Variants in RAD51B observed in about 807,000 individuals in gnomAD.
The protein encoded by RAD51B is DNA repair protein RAD51 homolog 2.
Under a neutral mutation model 42.2 loss-of-function variants are expected in RAD51B, and 38 were observed. The ratio of observed to expected loss-of-function variants is 0.90; its 90% confidence interval spans 0.70 to 1.18. RAD51B has a LOEUF of 1.18. Among genes scored for constraint, RAD51B ranks in the 50% most tolerant of loss-of-function variants. The probability of loss-of-function intolerance (pLI) is 0.00; values close to 1 mark genes in which losing one functional copy is unlikely to be tolerated. For missense variants in RAD51B, 373 were observed against 400.7 expected, an observed-to-expected ratio of 0.93 and a Z score of 0.59; for synonymous variants, 154 against 145.2, an observed-to-expected ratio of 1.06 and a Z score of -0.43.
intron 10 of RAD51B, among the ~76,000 whole-genome samples, chr14:68,537,498 C>CAAA (rs34728022): frequency 3.4e-5 from 5 of 145,698 alleles, no homozygotes; most frequent in Non-Finnish European, 4.5e-5. Flanking sequence ...GATTTCGTCT[C>CAAA]AAAAAAAAAA....
intron 7 of RAD51B, among the ~76,000 whole-genome samples, chr14:68,092,358 A>C (rs1490833334): frequency 6.6e-6 from 1 of 152,106 alleles, no homozygotes; most frequent in African/African-American, 2.4e-5. Context: ...ATTTGTTTGT[A>C]TCCTCTTTTA....
At chr14:68,363,154 T>C (rs2083067162) in intron 8 of RAD51B, among the ~76,000 whole-genome samples, 1 of 152,218 alleles carries the variant, frequency 6.6e-6, no homozygotes, top group Admixed American at 6.5e-5. Context: ...AGGAAAGATT[T>C]TGGGTACAAG....
chr14:68,529,850 A>G (rs1275667208), intron 10 of RAD51B, among the ~76,000 whole-genome samples: 5 of 152,264 alleles, frequency 3.3e-5, no homozygotes. Flanking sequence ...AAATTTGCCT[A>G]AATACTCAAA....
At chr14:68,265,251 T>A (rs1351682960) in intron 7 of RAD51B, among the ~76,000 whole-genome samples, 1 of 152,230 alleles carries the variant, frequency 6.6e-6, no homozygotes, top group East Asian at 1.9e-4. Flanking sequence ...AAACAGTGAT[T>A]TGGCCTTAGT....
At chr14:68,435,492 G>GT (rs35536205) in intron 9 of RAD51B, among the ~76,000 whole-genome samples, 20,746 of 128,058 alleles carry the variant, frequency 0.16, 2,009 homozygotes, top group Non-Finnish European at 0.25. Flanking sequence ...GTGGTTTTTG[G>GT]TTTTTTTTTT....
At position 67,932,937 on chromosome 14, in the gene RAD51B, G is replaced by A. The variant is rs941592094; in HGVS notation, c.756+45733G>A. Among the ~76,000 whole-genome samples, 37 of 152,320 alleles carry A rather than the reference G, an allele frequency of 2.4e-4. 1 individual carries two copies. The highest frequency in any genetic ancestry group is 3.4e-3 in the Middle Eastern group (1 of 294). ...GGCAATAGCAGCAGTGGCAGCGGCT[G>A]TAGTGGTGTGCAGAGGAGGAGAGAG... On this transcript the variant is annotated intron_variant, in intron 7 of 10. Coordinates refer to ENST00000471583, the MANE Select transcript of RAD51B (RefSeq NM_133510.4).
chr14:68,613,489 T>C (rs1891752279), downstream of RAD51B, among the ~76,000 whole-genome samples: 1 of 150,226 alleles, frequency 6.7e-6, no homozygotes. Context: ...AGTCTCACTC[T>C]GTCACCCAGG....
chr14:68,508,122 T>G (rs138703974), intron 10 of RAD51B, among the ~76,000 whole-genome samples: 83 of 152,268 alleles, frequency 5.5e-4, no homozygotes, highest in Admixed American at 8.5e-4. Flanking sequence ...GACCCAAAGA[T>G]GCTGATGGGG....
chr14:68,186,904 C>T (rs1232548142), intron 7 of RAD51B, among the ~76,000 whole-genome samples: 1 of 152,170 alleles, frequency 6.6e-6, no homozygotes, highest in Non-Finnish European at 1.5e-5. Context: ...GAAAAAGACA[C>T]ATACATATAC....
chr14:68,477,576 T>C, intron 10 of RAD51B, 72 bp from the exon 11 acceptor site: 1 of 1,508,964 alleles, frequency 6.6e-7, no homozygotes, highest in African/African-American at 1.4e-5. Context: ...TTTAGGTTGC[T>C]GGTGGGAAGT....
intron 4 of RAD51B, among the ~76,000 whole-genome samples, chr14:67,839,312 T>C (rs2041349000): frequency 6.6e-6 from 1 of 152,176 alleles, no homozygotes; most frequent in Non-Finnish European, 1.5e-5. Flanking sequence ...CTGATCTTGA[T>C]ATTTTTCCTT....
intron 10 of RAD51B, among the ~76,000 whole-genome samples, chr14:68,543,403 C>T (rs957035531): frequency 3.3e-5 from 5 of 152,070 alleles, no homozygotes; most frequent in African/African-American, 1.2e-4. Flanking sequence ...AGCTAGAAAT[C>T]TGGAAATAGA....
At chr14:68,471,860 C>T (rs2086136377) in intron 10 of RAD51B, among the ~76,000 whole-genome samples, 1 of 152,132 alleles carries the variant, frequency 6.6e-6, no homozygotes, top group African/African-American at 2.4e-5. Context: ...GCTGGAAATA[C>T]TTAGGCCCCA....
intron 7 of RAD51B, among the ~76,000 whole-genome samples, chr14:68,034,821 A>T (rs180737728): frequency 4.4e-4 from 67 of 152,274 alleles, no homozygotes; most frequent in African/African-American, 1.5e-3. Flanking sequence ...GAAAAATAGT[A>T]AGCCATTTCA....
At chr14:68,658,261 C>A (rs1035871212) in intron 11 of RAD51B, among the ~76,000 whole-genome samples, 1 of 152,218 alleles carries the variant, frequency 6.6e-6, no homozygotes, top group Non-Finnish European at 1.5e-5. Flanking sequence ...ACCCTGGAAA[C>A]CTTGGTGCTA....
At chr14:68,259,313 AG>A (rs992483464) in intron 7 of RAD51B, among the ~76,000 whole-genome samples, 4 of 61,790 alleles carry the variant, frequency 6.5e-5, no homozygotes, top group South Asian at 6.4e-4. Flanking sequence ...GGGTAGGGGG[AG>A]GGGGGAGGGA....
At chr14:68,477,063 G>A (rs2140252308) in intron 10 of RAD51B, among the ~76,000 whole-genome samples, 1 of 152,298 alleles carries the variant, frequency 6.6e-6, no homozygotes, top group South Asian at 2.1e-4. Context: ...ATAAATGAAG[G>A]CAGATGAAGA....
chr14:68,502,644 A>G (rs1214131792), intron 10 of RAD51B, among the ~76,000 whole-genome samples: 1 of 152,196 alleles, frequency 6.6e-6, no homozygotes, highest in Non-Finnish European at 1.5e-5. Flanking sequence ...GCGCACTTCT[A>G]AAAGAACAGA....
At chr14:67,868,540 G>C (rs1480304718) in intron 5 of RAD51B, among the ~76,000 whole-genome samples, 1 of 152,246 alleles carries the variant, frequency 6.6e-6, no homozygotes, top group Non-Finnish European at 1.5e-5. Flanking sequence ...GGCTTGCTTA[G>C]GTAAACAAAG....
Sources: gnomAD v4.1 joint callset for allele counts (sites outside exome capture counted in the v4.1 genomes callset) on GRCh38, gnomAD v4.1.1 for gene constraint, MANE v1.5 for transcripts, NCBI Gene and HGNC (gene_info 2026-07-23, HGNC 2026-07-21) for gene names.